Variants in SLC39A12 observed in about 807,000 individuals in gnomAD.
SLC39A12 encodes the protein solute carrier family 39 member 12, also known as zinc transporter ZIP12.
A neutral mutation model predicts 71.1 loss-of-function variants in SLC39A12; 63 were observed. That is an observed-to-expected ratio of 0.89 (90% CI 0.72 to 1.09). The LOEUF (loss-of-function observed/expected upper bound fraction) is 1.09. Among genes scored for constraint, SLC39A12 ranks in the 50% least tolerant of loss-of-function variants. The pLI, the probability that SLC39A12 is intolerant of heterozygous loss-of-function variation, is 0.00. For synonymous variants in SLC39A12, 351 were observed against 301.3 expected, an observed-to-expected ratio of 1.16 and a Z score of -1.71; for missense variants, 892 against 812.6, an observed-to-expected ratio of 1.10 and a Z score of -1.19.
intron 3 of SLC39A12, among the ~76,000 whole-genome samples, chr10:17,964,832 G>C (rs1443498): frequency 2.6e-5 from 4 of 152,180 alleles, no homozygotes; most frequent in Non-Finnish European, 5.9e-5. Context: ...TGCACTTAAA[G>C]CGGGGAGAGA....
At chr10:18,041,556 A>G (rs370807603) in intron 12 of SLC39A12, among the ~76,000 whole-genome samples, 22 of 129,124 alleles carry the variant, frequency 1.7e-4, no homozygotes, top group Middle Eastern at 4.2e-3. Flanking sequence ...ACACACACAC[A>G]CGCACACATA....
chr10:18,025,230 ATTTTTAT>A (rs1429573890), intron 12 of SLC39A12, among the ~76,000 whole-genome samples: 7 of 56,464 alleles, frequency 1.2e-4, no homozygotes, highest in Non-Finnish European at 7.1e-5. Flanking sequence ...TTCTCTTTTT[ATTTTTAT>A]TTTTTTTTAT....
At chr10:18,025,140 T>C (rs1836640285) in intron 12 of SLC39A12, among the ~76,000 whole-genome samples, 2 of 152,232 alleles carry the variant, frequency 1.3e-5, no homozygotes, top group South Asian at 4.1e-4. Flanking sequence ...TTCATTACTT[T>C]TGTTCTCTGT....
intron 10 of SLC39A12, among the ~76,000 whole-genome samples, chr10:17,997,625 A>T (rs148163689): frequency 2.8e-4 from 43 of 152,318 alleles, no homozygotes; most frequent in Non-Finnish European, 5.7e-4. Flanking sequence ...CTACCTGCTT[A>T]CTTCCTGTCG....
intron 2 of SLC39A12, among the ~76,000 whole-genome samples, chr10:17,959,772 T>C (rs1277255322): frequency 6.6e-6 from 1 of 152,204 alleles, no homozygotes; most frequent in Non-Finnish European, 1.5e-5. Context: ...ACAACATTTA[T>C]CCGAATCCCT....
chr10:17,988,394 C>G (rs539772494), intron 7 of SLC39A12, among the ~76,000 whole-genome samples: 1 of 152,268 alleles, frequency 6.6e-6, no homozygotes, highest in East Asian at 1.9e-4. Flanking sequence ...CTTGCTTTCT[C>G]TCTCTCATTA....
chr10:17,995,802 C>CTA (rs1835669297), intron 10 of SLC39A12, 80 bp downstream of exon 10: 9 of 1,268,682 alleles, frequency 7.1e-6, no homozygotes, highest in Non-Finnish European at 1.0e-5. Context: ...AATGTCAAAA[C>CTA]TATATAGATA....
chr10:17,983,191 A>G (rs1214017416), intron 6 of SLC39A12, among the ~76,000 whole-genome samples: 3 of 144,678 alleles, frequency 2.1e-5, no homozygotes, highest in Non-Finnish European at 3.0e-5. Context: ...AAAAAAAAAA[A>G]AAAAAAGACT....
At chr10:18,007,754 C>T (rs1836072779) in intron 12 of SLC39A12, among the ~76,000 whole-genome samples, 1 of 152,158 alleles carries the variant, frequency 6.6e-6, no homozygotes, top group Admixed American at 6.5e-5. Context: ...GGGAGTGTAG[C>T]AGTGAGGATG....
intron 3 of SLC39A12, among the ~76,000 whole-genome samples, chr10:17,964,174 T>A (rs1834764145): frequency 6.6e-6 from 1 of 152,224 alleles, no homozygotes; most frequent in Non-Finnish European, 1.5e-5. Flanking sequence ...GAGACCCTTA[T>A]TGTTTCACAG....
At chr10:17,994,709 A>G (rs1835641179) in intron 9 of SLC39A12, among the ~76,000 whole-genome samples, 1 of 152,172 alleles carries the variant, frequency 6.6e-6, no homozygotes, top group African/African-American at 2.4e-5. Flanking sequence ...CTTACTTCTC[A>G]GCTATCCTTC....
Position 18,009,822 on chromosome 10 carries a change from CCAAAAATG to C in SLC39A12, c.1947+6472_1947+6479del, listed in dbSNP as rs552787107. ...AAGATCTTCTACCTTTAAAACATAT[CCAAAAATG>C]CAAAAATCAAACCTGAGTATTCAAT... On this transcript the variant is annotated intron_variant, in intron 12 of 12. Coordinates refer to ENST00000377369, the MANE Select transcript of SLC39A12 (RefSeq NM_001145195.2). 6 of 152,138 alleles carry C rather than the reference CCAAAAATG, an allele frequency of 3.9e-5. No homozygotes were observed. The East Asian group carries it at 1.2e-3, about 29-fold the overall frequency. The allele number at this position is 152,138 out of a possible 1,614,324, so 9.4% of individuals were successfully genotyped here. A position where few individuals can be genotyped will look rare whatever the true frequency, so the allele number is the denominator to read the frequency against.
rs1405085486 is a variant in SLC39A12 at position 17,973,159 on chromosome 10, CT to C, written c.752-4738del. The stretch of plus-strand genomic sequence containing the variant: ...TTAATTGTGTCCCCCAACTTTTAAA[CT>C]TTTTGTTGTTTCTATTTATATCACA... On this transcript the variant is annotated intron_variant, in intron 4 of 12. Transcript: ENST00000377369. Among the ~76,000 whole-genome samples, 8 of 152,112 alleles carry C rather than the reference CT, an allele frequency of 5.3e-5. No homozygotes were observed. The East Asian group carries it at 1.4e-3, about 26-fold the overall frequency.
intron 11 of SLC39A12, chr10:18,001,789 C>T (rs1835840995): frequency 6.6e-6 from 1 of 152,104 alleles, no homozygotes; most frequent in Admixed American, 6.5e-5. Context: ...ATTGGGTATC[C>T]ATCCCCTCAA....
At chr10:18,015,362 T>C (rs1032511189) in intron 12 of SLC39A12, among the ~76,000 whole-genome samples, 7 of 152,200 alleles carry the variant, frequency 4.6e-5, no homozygotes, top group African/African-American at 1.4e-4. Context: ...CTTATTAACA[T>C]TGTTCTCAAT....
At chr10:17,986,469 C>T (rs1589232367) in intron 6 of SLC39A12, among the ~76,000 whole-genome samples, 1 of 152,126 alleles carries the variant, frequency 6.6e-6, no homozygotes, top group African/African-American at 2.4e-5. Context: ...GGTCTCGTTC[C>T]TGGTTCATGG....
At chr10:18,038,403 C>G (rs1157850800) in intron 12 of SLC39A12, among the ~76,000 whole-genome samples, 1 of 152,118 alleles carries the variant, frequency 6.6e-6, no homozygotes, top group African/African-American at 2.4e-5. Context: ...GTAATCCCAG[C>G]ACTTTGGGAG....
chr10:18,035,828 T>C (rs1213819594), intron 12 of SLC39A12, among the ~76,000 whole-genome samples: 1 of 152,228 alleles, frequency 6.6e-6, no homozygotes, highest in East Asian at 1.9e-4. Context: ...GGGTTTTCGG[T>C]GTGGATGTCC....
intron 12 of SLC39A12, among the ~76,000 whole-genome samples, chr10:18,034,973 G>T (rs189512791): frequency 6.6e-6 from 1 of 151,280 alleles, no homozygotes; most frequent in African/African-American, 2.4e-5. Flanking sequence ...TTGAATATTG[G>T]CCCCCACTCT....
Sources: allele counts gnomAD v4.1 joint callset (sites outside exome capture counted in the v4.1 genomes callset), GRCh38; gene constraint gnomAD v4.1.1; transcripts MANE v1.5; gene names NCBI Gene and HGNC (gene_info 2026-07-23, HGNC 2026-07-21).